Variants in INPP4B observed in about 807,000 individuals in gnomAD.
INPP4B encodes the protein inositol polyphosphate 4-phosphatase type II.
In INPP4B, 55 loss-of-function variants were observed where a neutral mutation model predicts 122.5. That is an observed-to-expected ratio of 0.45 (90% confidence interval 0.36 to 0.56). The LOEUF (loss-of-function observed/expected upper bound fraction) is 0.56. INPP4B is among the 20% of genes least tolerant of loss of function. The pLI is 0.00. For missense variants in INPP4B, 1,000 were observed against 1,097.7 expected (o/e 0.91, Z 1.26); for synonymous variants, 403 against 388.7 (o/e 1.04, Z -0.43).
intron 2 of INPP4B, among the ~76,000 whole-genome samples, chr4:142,720,435 T>A (rs1395583569): frequency 1.3e-5 from 2 of 151,942 alleles, no homozygotes; most frequent in Non-Finnish European, 2.9e-5. Flanking sequence ...GGTTCCAGGT[T>A]TCCTCTTTCC....
chr4:142,293,920 T>C (rs1264501932), intron 9 of INPP4B, among the ~76,000 whole-genome samples: 2 of 152,332 alleles, frequency 1.3e-5, no homozygotes, highest in East Asian at 3.9e-4. Flanking sequence ...GCCATTATCT[T>C]AAGTGAAATA....
chr4:142,750,095 A>T (rs1432770735), intron 1 of INPP4B, among the ~76,000 whole-genome samples: 3 of 152,064 alleles, frequency 2.0e-5, no homozygotes, highest in Non-Finnish European at 2.9e-5. Context: ...ACTCTTCAAG[A>T]GATGAAGCAC....
At chr4:142,126,878 CCTTT>C (rs897276621) in intron 18 of INPP4B, among the ~76,000 whole-genome samples, 2 of 152,056 alleles carry the variant, frequency 1.3e-5, no homozygotes, top group Non-Finnish European at 2.9e-5. Context: ...CTGTTCTCTC[CCTTT>C]ATTTAATTGT....
chr4:142,089,478 CACAGAG>C (rs749334875), intron 23 of INPP4B, among the ~76,000 whole-genome samples: 2 of 143,274 alleles, frequency 1.4e-5, no homozygotes, highest in African/African-American at 2.6e-5. Flanking sequence ...CACACACACA[CACAGAG>C]AGAGAGAGAG....
intron 7 of INPP4B, among the ~76,000 whole-genome samples, chr4:142,320,046 A>T (rs1190034075): frequency 6.6e-6 from 1 of 152,130 alleles, no homozygotes; most frequent in Non-Finnish European, 1.5e-5. Context: ...CTCAGAATTT[A>T]GTTTCTTGCA....
chr4:142,561,858 T>C (rs1415808669), intron 2 of INPP4B, among the ~76,000 whole-genome samples: 1 of 152,228 alleles, frequency 6.6e-6, no homozygotes, highest in Non-Finnish European at 1.5e-5. Context: ...GAAATGTTTA[T>C]GTGCGCACTG....
intron 7 of INPP4B, among the ~76,000 whole-genome samples, chr4:142,346,951 A>G (rs951609146): frequency 1.3e-5 from 2 of 152,058 alleles, no homozygotes; most frequent in African/African-American, 2.4e-5. Flanking sequence ...ATAGGTGAAG[A>G]TGCCAGGCAT....
intron 2 of INPP4B, among the ~76,000 whole-genome samples, chr4:142,511,594 G>A (rs1024563736): frequency 1.5e-4 from 23 of 151,896 alleles, no homozygotes; most frequent in East Asian, 3.9e-4. Flanking sequence ...ACCTTTGGTC[G>A]GGCATTAGAA....
chr4:142,490,398 C>G (rs952151535), intron 2 of INPP4B, among the ~76,000 whole-genome samples: 2 of 151,912 alleles, frequency 1.3e-5, no homozygotes, highest in Non-Finnish European at 2.9e-5. Flanking sequence ...CACCTGTATG[C>G]CTGGTCTATT....
At chr4:142,794,140 G>A (rs185110951) in intron 1 of INPP4B, among the ~76,000 whole-genome samples, 1 of 152,074 alleles carries the variant, frequency 6.6e-6, no homozygotes, top group East Asian at 1.9e-4. Flanking sequence ...TCCAAAATGT[G>A]TCTATTGGAA....
In INPP4B at chr4:142,816,305, G is replaced by A. The variant is rs377515934; in HGVS notation, c.-254+29904C>T. On this transcript the variant is annotated intron_variant, in intron 1 of 25. Transcript: ENST00000262992. ...ACTCAAAGTTGCTAATTTCCATTTC[G>A]TAAGAAATTATTTCATCAATAACAT... 1.9e-4 allele frequency among the ~76,000 whole-genome samples: 29 copies of A among 152,124 alleles called. No individual in the cohort carries two copies. In the East Asian group the frequency reaches 3.1e-3, roughly 16 times the overall value.
chr4:142,194,985 C>T (rs1323759401), intron 14 of INPP4B, among the ~76,000 whole-genome samples: 1 of 152,122 alleles, frequency 6.6e-6, no homozygotes, highest in Non-Finnish European at 1.5e-5. Context: ...GGAATGAGTT[C>T]CCATGTTAAT....
intron 7 of INPP4B, among the ~76,000 whole-genome samples, chr4:142,330,067 G>C (rs1773876214): frequency 1.3e-5 from 2 of 152,138 alleles, no homozygotes; most frequent in African/African-American, 4.8e-5. Context: ...GAATAAAATT[G>C]TTTATGGATG....
intron 15 of INPP4B, among the ~76,000 whole-genome samples, chr4:142,185,288 A>G (rs576350240): frequency 6.6e-6 from 1 of 152,148 alleles, no homozygotes; most frequent in African/African-American, 2.4e-5. Flanking sequence ...TGAGAGCCAA[A>G]GGGATGCAAA....
At chr4:142,478,746 T>C (rs1560704222) in intron 2 of INPP4B, among the ~76,000 whole-genome samples, 1 of 152,202 alleles carries the variant, frequency 6.6e-6, no homozygotes, top group African/African-American at 2.4e-5. Context: ...CCTAAAGTTT[T>C]CTTTTTTCTG....
At chr4:142,829,382 C>A (rs527718689) in intron 1 of INPP4B, among the ~76,000 whole-genome samples, 1 of 152,138 alleles carries the variant, frequency 6.6e-6, no homozygotes, top group Non-Finnish European at 1.5e-5. Flanking sequence ...TGTTTATGCC[C>A]TTGGCTTTTG....
At chr4:142,034,331 G>A (rs1391743726) in intron 25 of INPP4B, among the ~76,000 whole-genome samples, 2 of 152,062 alleles carry the variant, frequency 1.3e-5, no homozygotes, top group Non-Finnish European at 2.9e-5. Flanking sequence ...CAGGGATGTT[G>A]CTCAACATCC....
At chr4:142,737,808 A>G (rs1767205483) in intron 1 of INPP4B, among the ~76,000 whole-genome samples, 1 of 152,248 alleles carries the variant, frequency 6.6e-6, no homozygotes, top group Non-Finnish European at 1.5e-5. Context: ...GGATATGAAC[A>G]GACACTTCTC....
chr4:142,253,670 G>A (rs1056818986), intron 11 of INPP4B, among the ~76,000 whole-genome samples: 1 of 152,220 alleles, frequency 6.6e-6, no homozygotes, highest in Non-Finnish European at 1.5e-5. Context: ...GGCGCACCAG[G>A]AGATTATATC....
Sources: allele counts gnomAD v4.1 joint callset (sites outside exome capture counted in the v4.1 genomes callset), GRCh38; gene constraint gnomAD v4.1.1; transcripts MANE v1.5; gene names NCBI Gene and HGNC (gene_info 2026-07-23, HGNC 2026-07-21).